EVL: variants seen among roughly 807,000 people sequenced by gnomAD.
EVL encodes the protein Enah/Vasp-like, also known as ena/VASP-like protein.
In EVL, 21 loss-of-function variants were observed where a neutral mutation model predicts 59.6. That is an observed-to-expected ratio of 0.35 (90% CI 0.25 to 0.51). The LOEUF (loss-of-function observed/expected upper bound fraction) is 0.51. EVL is among the 20% of genes least tolerant of loss of function. EVL has a pLI of 0.97. For missense variants in EVL, 462 were observed against 546.6 expected, an observed-to-expected ratio of 0.85 and a Z score of 1.54; for synonymous variants, 198 against 203.5, an observed-to-expected ratio of 0.97 and a Z score of 0.23.
chr14:100,125,972 C>T (rs988068159), intron 4 of EVL, among the ~76,000 whole-genome samples: 1 of 152,208 alleles, frequency 6.6e-6, no homozygotes, highest in Non-Finnish European at 1.5e-5. Context: ...TGTGTTTCCA[C>T]AGCACATGTT....
At chr14:100,050,006 A>G (rs1352705911) in intron 1 of EVL, among the ~76,000 whole-genome samples, 3 of 152,166 alleles carry the variant, frequency 2.0e-5, no homozygotes, top group Non-Finnish European at 4.4e-5. Context: ...AGTTGCACAC[A>G]TTTTCTGGCC....
intron 3 of EVL, among the ~76,000 whole-genome samples, chr14:100,105,731 C>T (rs1036981155): frequency 2.0e-5 from 3 of 151,940 alleles, no homozygotes; most frequent in African/African-American, 4.8e-5. Context: ...TCCAAGGGGA[C>T]GATGGCTGTA....
At chr14:100,104,635 T>A (rs1886442329) in intron 3 of EVL, among the ~76,000 whole-genome samples, 1 of 152,194 alleles carries the variant, frequency 6.6e-6, no homozygotes, top group Non-Finnish European at 1.5e-5. Flanking sequence ...AAAGCTCCCG[T>A]TATGATGGGG....
chr14:100,028,230 C>T (rs1340679197), intron 1 of EVL, among the ~76,000 whole-genome samples: 4 of 150,942 alleles, frequency 2.7e-5, no homozygotes, highest in Non-Finnish European at 5.9e-5. Flanking sequence ...ACAAGGGCCC[C>T]CCTTTCTCCA....
upstream of EVL, among the ~76,000 whole-genome samples, chr14:100,064,743 T>C (rs951290587): frequency 6.6e-6 from 1 of 152,178 alleles, no homozygotes; most frequent in African/African-American, 2.4e-5. Context: ...AAACCCCGTC[T>C]CTACTAAAAA....
intron 3 of EVL, among the ~76,000 whole-genome samples, chr14:100,110,552 T>A (rs548462239): frequency 2.5e-4 from 38 of 151,756 alleles, no homozygotes; most frequent in African/African-American, 8.2e-4. Flanking sequence ...GGGGATCTGA[T>A]GAGGAGGAGG....
intron 1 of EVL, among the ~76,000 whole-genome samples, chr14:100,067,494 T>G (rs928427797): frequency 6.6e-6 from 1 of 152,204 alleles, no homozygotes; most frequent in African/African-American, 2.4e-5. Context: ...GTTTTTGTTT[T>G]TGTATTTTTT....
chr14:100,113,122 G>A (rs1444945965), intron 3 of EVL, among the ~76,000 whole-genome samples: 1 of 152,182 alleles, frequency 6.6e-6, no homozygotes, highest in African/African-American at 2.4e-5. Flanking sequence ...AAAGGGGATG[G>A]ACAGACGTTC....
intron 1 of EVL, among the ~76,000 whole-genome samples, chr14:100,009,932 G>A (rs1267911113): frequency 2.0e-5 from 3 of 152,158 alleles, no homozygotes; most frequent in Non-Finnish European, 4.4e-5. Context: ...TGGGATTAAC[G>A]GAAAGGAATG....
chr14:100,144,155 C>G lies in EVL; in HGVS notation c.*417C>G, dbSNP rs1295494783. The G allele has an allele frequency of 4.7e-6, 1 of 210,694 alleles. No individual in the cohort carries two copies. The highest frequency in any genetic ancestry group is 9.6e-6 in the Non-Finnish European group (1 of 104,306). 13.1% of individuals were successfully genotyped at this position (210,694 alleles called of 1,614,324 possible). A position where few individuals can be genotyped will look rare whatever the true frequency, so the allele number is the denominator to read the frequency against. Reference sequence around the variant, plus strand: ...AGAGCTGTCCAGGCACAGCTCCGTCCCCAGCGCTCATGGTGTTGAAACTGT... The same window carrying G: ...AGAGCTGTCCAGGCACAGCTCCGTCGCCAGCGCTCATGGTGTTGAAACTGT... On this transcript the variant is annotated 3_prime_UTR_variant, in exon 14 of 14. Transcript: ENST00000392920.
chr14:100,140,177 G>T (rs1889076861), intron 11 of EVL: 1 of 152,230 alleles, frequency 6.6e-6, no homozygotes, highest in Non-Finnish European at 1.5e-5. Context: ...GGTTGAGGCT[G>T]CAGTGAGGCA....
At position 100,132,661 on chromosome 14, in the gene EVL, C is replaced by T. The variant is rs1888507929; in HGVS notation, c.840-58C>T. The T allele has an allele frequency of 7.6e-6, 12 of 1,584,492 alleles. No homozygotes were observed. In the South Asian group the frequency reaches 1.3e-4, roughly 18 times the overall value. On this transcript the variant is annotated intron_variant, in intron 7 of 13. Coordinates refer to ENST00000392920, the MANE Select transcript of EVL (RefSeq NM_016337.3). Reference sequence around the variant, plus strand: ...CTGGCAGGGTGGAGGCAGAAGAGTTCTGGGACAGTGAGAGAACGTGAGGAG... The same window carrying T: ...CTGGCAGGGTGGAGGCAGAAGAGTTTTGGGACAGTGAGAGAACGTGAGGAG...
At chr14:100,111,625 C>G (rs1261726869) in intron 3 of EVL, among the ~76,000 whole-genome samples, 3 of 152,140 alleles carry the variant, frequency 2.0e-5, no homozygotes, top group African/African-American at 7.2e-5. Flanking sequence ...TCAGTCGTAG[C>G]CAGAGTCATT....
intron 3 of EVL, among the ~76,000 whole-genome samples, chr14:100,122,758 G>A (rs192042995): frequency 1.0e-3 from 155 of 152,350 alleles, no homozygotes; most frequent in Non-Finnish European, 1.9e-3. Context: ...TTTCTTAGGT[G>A]GCGGCAGAAG....
chr14:99,987,856 A>G (rs1213138216), intron 1 of EVL, among the ~76,000 whole-genome samples: 1 of 151,054 alleles, frequency 6.6e-6, no homozygotes, highest in South Asian at 2.1e-4. Flanking sequence ...TATTTTTGTT[A>G]TAGCAGCTTG....
intron 1 of EVL, among the ~76,000 whole-genome samples, chr14:99,999,364 C>G (rs1461710609): frequency 6.6e-6 from 1 of 152,230 alleles, no homozygotes; most frequent in African/African-American, 2.4e-5. Context: ...ATTACTTTAC[C>G]TCTCTGTCCC....
rs1566737260 is a variant in EVL at position 100,143,684 on chromosome 14, CGCCACCTGTCCCGCA to C, written c.1220-12_1222del. On this transcript the variant is annotated splice_acceptor_variant and splice_polypyrimidine_tract_variant and intron_variant, in intron 13 of 13. Transcript: ENST00000392920. LOFTEE classifies it high-confidence loss of function. ...CTGGTCATGGCTGCACCTGAGCCGC[CGCCACCTGTCCCGCA>C]GCCATCAGGCAGGAGCTGAGTGGGA... 1 of 1,611,482 alleles carries C rather than the reference CGCCACCTGTCCCGCA, an allele frequency of 6.2e-7. No homozygotes were observed. Among genetic ancestry groups the C allele is most frequent in the Non-Finnish European group, 8.5e-7 (1 of 1,179,834 alleles).
chr14:100,033,512 A>G (rs1012549023), intron 1 of EVL, among the ~76,000 whole-genome samples: 2 of 152,234 alleles, frequency 1.3e-5, no homozygotes, highest in African/African-American at 4.8e-5. Context: ...TAAAAAGTCA[A>G]CATTTGTTTT....
upstream of EVL, among the ~76,000 whole-genome samples, chr14:100,063,816 C>G (rs541562060): frequency 6.6e-6 from 1 of 152,094 alleles, no homozygotes; most frequent in Admixed American, 6.5e-5. Context: ...TGGGCCATAA[C>G]GCACATTTTG....
Sources: gnomAD v4.1 joint callset for allele counts (sites outside exome capture counted in the v4.1 genomes callset) on GRCh38, gnomAD v4.1.1 for gene constraint, MANE v1.5 for transcripts, NCBI Gene and HGNC (gene_info 2026-07-23, HGNC 2026-07-21) for gene names.